The following EXOG variants were observed in gnomAD, a reference collection of about 807,000 sequenced individuals.
EXOG encodes the protein exo/endonuclease G.
EXOG carries 27 observed loss-of-function variants against 25.8 expected under a neutral mutation model. The observed-to-expected ratio is 1.05, with a 90% CI of 0.77 to 1.45. EXOG has a LOEUF of 1.45. Ranked by LOEUF, EXOG falls within the 40% of genes most tolerant of loss-of-function variation. The pLI, the probability that EXOG is intolerant of heterozygous loss-of-function variation, is 0.00. For synonymous variants in EXOG, 133 were observed against 167.0 expected, an observed-to-expected ratio of 0.80 and a Z score of 1.57; for missense variants, 458 against 450.5, an observed-to-expected ratio of 1.02 and a Z score of -0.15.
chr3:38,498,978 C>A (rs1431832778), intron 2 of EXOG: 1 of 456,730 alleles, frequency 2.2e-6, no homozygotes, highest in Non-Finnish European at 4.4e-6. Context: ...TCTCTCTCAA[C>A]CTTCACCTAT....
At chr3:38,497,604 C>CCTTTT (rs1559670863) in intron 1 of EXOG, 25 bp from the exon 2 acceptor site, 2 of 1,412,228 alleles carry the variant, frequency 1.4e-6, no homozygotes, top group African/African-American at 1.5e-5. Context: ...TCTGCCCCCC[C>CCTTTT]TTTTTTTTTT....
At chr3:38,503,572 G>A (rs1464026608) in intron 3 of EXOG, 43 bp from the exon 4 acceptor site, 2 of 1,062,900 alleles carry the variant, frequency 1.9e-6, no homozygotes, top group Non-Finnish European at 2.9e-6. Context: ...CTTTTAAAGG[G>A]GAAAGCATTT....
intron 5 of EXOG, among the ~76,000 whole-genome samples, chr3:38,517,057 TCTG>T (rs2060567940): frequency 6.6e-6 from 1 of 152,238 alleles, no homozygotes; most frequent in African/African-American, 2.4e-5. Context: ...TTATAAGTAA[TCTG>T]TGGAAATACT....
At chr3:38,520,217 A>C (rs1337820187) in intron 5 of EXOG, among the ~76,000 whole-genome samples, 2 of 152,144 alleles carry the variant, frequency 1.3e-5, no homozygotes, top group Non-Finnish European at 2.9e-5. Context: ...TGGTGGTGGC[A>C]AATTGTCATT....
intron 5 of EXOG, among the ~76,000 whole-genome samples, chr3:38,514,778 C>CACCTT (rs552262186): frequency 8.8e-6 from 1 of 113,618 alleles, no homozygotes; most frequent in African/African-American, 3.5e-5. Flanking sequence ...CCTCCCCCTG[C>CACCTT]TTTTTTTTTT....
chr3:38,497,122 G>T, intron 1 of EXOG: 1 of 1,003,992 alleles, frequency 1.0e-6, no homozygotes, highest in African/African-American at 1.7e-5. Context: ...GTACTTTGCG[G>T]ATGTGCTAAT....
intron 3 of EXOG, among the ~76,000 whole-genome samples, chr3:38,503,373 G>A (rs2060104423): frequency 6.6e-6 from 1 of 152,150 alleles, no homozygotes; most frequent in Admixed American, 6.5e-5. Flanking sequence ...TCACGTTATA[G>A]GTTTGGATTT....
Position 38,526,076 on chromosome 3 carries a change from T to C in EXOG, c.*1714T>C, listed in dbSNP as rs1343560861. On this transcript the variant is annotated 3_prime_UTR_variant, in exon 6 of 6. Transcript: ENST00000287675. ...AGGCATTTAGCATTCCTAGGGGAAATTGTGGCTGTTTTTCTGAGCCAGATC... is the reference window on the plus strand; with the variant it reads ...AGGCATTTAGCATTCCTAGGGGAAACTGTGGCTGTTTTTCTGAGCCAGATC... The C allele has an allele frequency of 4.1e-6, 4 of 985,420 alleles. No homozygotes were observed. The highest frequency in any genetic ancestry group is 3.6e-6 in the Non-Finnish European group (3 of 829,932). 61.0% of individuals were successfully genotyped at this position (985,420 alleles called of 1,614,324 possible).
intron 5 of EXOG, among the ~76,000 whole-genome samples, chr3:38,513,192 C>T (rs1208529990): frequency 6.6e-6 from 1 of 152,088 alleles, no homozygotes; most frequent in Non-Finnish European, 1.5e-5. Context: ...CAGATGACTC[C>T]GTAACAATTG....
At chr3:38,519,673 A>G (rs2060648476) in intron 5 of EXOG, among the ~76,000 whole-genome samples, 1 of 152,176 alleles carries the variant, frequency 6.6e-6, no homozygotes, top group African/African-American at 2.4e-5. Flanking sequence ...CTAAATTTTC[A>G]AGTACCATTG....
intron 5 of EXOG, 63 bp downstream of exon 5, chr3:38,507,031 C>T: frequency 4.1e-6 from 3 of 724,442 alleles, no homozygotes. Flanking sequence ...ACTTTCCATT[C>T]TGCTTTTTAT....
intron 5 of EXOG, among the ~76,000 whole-genome samples, chr3:38,514,084 C>T (rs1007673617): frequency 3.9e-5 from 6 of 152,080 alleles, no homozygotes; most frequent in African/African-American, 7.2e-5. Context: ...ACTAGAGCAG[C>T]GTAAGCATGA....
intron 1 of EXOG, 108 bp from the exon 2 acceptor site, chr3:38,497,521 C>G: frequency 7.1e-7 from 1 of 1,408,250 alleles, no homozygotes; most frequent in Non-Finnish European, 9.2e-7. Flanking sequence ...CTTTGTAAAT[C>G]ACACCGCTCT....
At chr3:38,501,538 T>C in intron 3 of EXOG, 44 bp downstream of exon 3, 1 of 1,577,584 alleles carries the variant, frequency 6.3e-7, no homozygotes, top group Non-Finnish European at 8.7e-7. Context: ...GGGCTGATGT[T>C]ATGCATACAA....
At chr3:38,499,115 G>T (rs576333415) in intron 2 of EXOG, 2 of 340,398 alleles carry the variant, frequency 5.9e-6, no homozygotes, top group Non-Finnish European at 5.7e-6. Flanking sequence ...TTCAGTTGGG[G>T]TATTCTCTTT....
rs2060816832 is a variant in EXOG, at chr3:38,524,223, T to C, written c.968T>C (p.Leu323Pro). Reference sequence around the variant, plus strand: ...AAGATTGAAGGAGCCCGATCAGTGCTCAGACTGGAAAAGATCATGGAAAAC... The same window carrying C: ...AAGATTGAAGGAGCCCGATCAGTGCCCAGACTGGAAAAGATCATGGAAAAC... ...TRKIEGARSV[L>P]RLEKIMENLK... Residue 323 changes from leucine to proline, a missense_variant, in exon 6 of 6, where the codon CTC (leucine) becomes CCC (proline). Leu to Pro is a moderately conservative substitution (Grantham distance 98, BLOSUM62 -3). Coordinates refer to ENST00000287675, the MANE Select transcript of EXOG (RefSeq NM_005107.4). The C allele has an allele frequency of 1.2e-6, 2 of 1,614,166 alleles. No individual in the cohort carries two copies. The highest frequency in any genetic ancestry group is 4.5e-5 in the East Asian group (2 of 44,890).
At chr3:38,514,509 G>A (rs1442302620) in intron 5 of EXOG, among the ~76,000 whole-genome samples, 1 of 152,168 alleles carries the variant, frequency 6.6e-6, no homozygotes, top group Non-Finnish European at 1.5e-5. Context: ...AAGATCCAGC[G>A]AAAGAGTCAG....
At position 38,508,353 on chromosome 3, in the gene EXOG, C is replaced by A. The variant is rs188021669; in HGVS notation, c.645+1385C>A. Among the ~76,000 whole-genome samples the A allele has an allele frequency of 2.0e-5, 3 of 152,158 alleles. No individual in the cohort carries two copies. The East Asian group carries it at 5.8e-4, about 29-fold the overall frequency. ...TGTTGCTGGGAAATTCTTAGCTAGCCTTTCATATTGGCAATTTACAAAGTG... is the reference window on the plus strand; with the variant it reads ...TGTTGCTGGGAAATTCTTAGCTAGCATTTCATATTGGCAATTTACAAAGTG... On this transcript the variant is annotated intron_variant, in intron 5 of 5. Transcript: ENST00000287675.
At chr3:38,503,533 T>C (rs891581130) in intron 3 of EXOG, 82 bp from the exon 4 acceptor site, 88 of 760,760 alleles carry the variant, frequency 1.2e-4, no homozygotes, top group Middle Eastern at 2.8e-4. Context: ...AATAAGAAAG[T>C]GTTTTTCTGT....
Sources: gnomAD v4.1 joint callset for allele counts (sites outside exome capture counted in the v4.1 genomes callset) on GRCh38, gnomAD v4.1.1 for gene constraint, MANE v1.5 for transcripts, NCBI Gene and HGNC (gene_info 2026-07-23, HGNC 2026-07-21) for gene names.